The following STK35 variants were observed in gnomAD, a reference collection of about 807,000 sequenced individuals.
STK35 encodes serine/threonine-protein kinase 35.
Under a neutral mutation model 37.3 loss-of-function variants are expected in STK35, and 17 were observed. That is an observed-to-expected ratio of 0.46 (90% confidence interval 0.31 to 0.68). The LOEUF (loss-of-function observed/expected upper bound fraction) is 0.68, where lower values mean the gene tolerates loss of function less well. Among genes scored for constraint, STK35 ranks in the 30% least tolerant of loss-of-function variants. STK35 has a pLI of 0.05. For missense variants in STK35, 595 were observed against 746.7 expected, an observed-to-expected ratio of 0.80 and a Z score of 2.37; for synonymous variants, 385 against 319.1, an observed-to-expected ratio of 1.21 and a Z score of -2.20.
At chr20:2,111,658 G>A (rs1443480292) in intron 2 of STK35, among the ~76,000 whole-genome samples, 1 of 152,218 alleles carries the variant, frequency 6.6e-6, no homozygotes, top group African/African-American at 2.4e-5. Flanking sequence ...AGCTGTGATT[G>A]GCTGCACTCT....
Position 2,117,863 on chromosome 20 carries a change from A to G in STK35, c.*37+448A>G, listed in dbSNP as rs992557712. On this transcript the variant is annotated intron_variant, in intron 3 of 3. Transcript: ENST00000381482. The surrounding 1 kb of genome is among the most constrained non-coding windows in gnomAD (Gnocchi z 4.4). Reference sequence around the variant, plus strand: ...GAAGAAAATGAAGTGCTTCTTTTCAAAGATCCCCCCCATATCTTGATGGGA... The same window carrying G: ...GAAGAAAATGAAGTGCTTCTTTTCAGAGATCCCCCCCATATCTTGATGGGA... Among the ~76,000 whole-genome samples, 2 of 152,170 alleles carry G rather than the reference A, an allele frequency of 1.3e-5. No individual in the cohort carries two copies. The highest frequency in any genetic ancestry group is 4.8e-5 in the African/African-American group (2 of 41,438).
In STK35 at chr20:2,116,951, C is replaced by A; in HGVS notation, c.1178C>A (p.Pro393His). Residue 393 changes from proline (P) to histidine (H), a missense_variant, in exon 3 of 4, where the codon CCC (proline) becomes CAC (histidine). Around this residue, in one of 3 missense-constraint regions of STK35, gnomAD observed 109 missense variants for 280.3 expected, o/e 0.39. Coordinates refer to ENST00000381482, the MANE Select transcript of STK35 (RefSeq NM_080836.4). ...GLSKVCAGLA[P>H]RGKEGNQDNK... ...AGCAAGGTCTGTGCTGGGCTGGCAC[C>A]CCGAGGCAAAGAGGGCAATCAAGAC... is the stretch of plus-strand genomic sequence containing the variant. 1 of 1,614,128 alleles carries A rather than the reference C, an allele frequency of 6.2e-7. No homozygotes were observed. The highest frequency in any genetic ancestry group is 8.5e-7 in the Non-Finnish European group (1 of 1,180,020).
intron 2 of STK35, among the ~76,000 whole-genome samples, chr20:2,107,547 A>T (rs1025591962): frequency 2.6e-5 from 4 of 152,218 alleles, no homozygotes; most frequent in Non-Finnish European, 4.4e-5. Flanking sequence ...AACATAATGC[A>T]GGGTCACAAG....
chr20:2,104,629 G>C (rs1985479281), intron 2 of STK35, among the ~76,000 whole-genome samples: 1 of 152,072 alleles, frequency 6.6e-6, no homozygotes, highest in South Asian at 2.1e-4. Context: ...TGAGTTTGGA[G>C]GGGGTGGTTT....
intron 3 of STK35, among the ~76,000 whole-genome samples, chr20:2,137,461 A>G (rs1986105369): frequency 6.6e-6 from 1 of 152,198 alleles, no homozygotes; most frequent in African/African-American, 2.4e-5. Context: ...CAGATGTCGT[A>G]AGGCGTGGAC....
In STK35 at chr20:2,148,407, T is replaced by C. The variant is rs1986310754; in HGVS notation, c.*4661T>C. The C allele has an allele frequency of 6.5e-6, 1 of 152,684 alleles. No individual in the cohort carries two copies. Among genetic ancestry groups the C allele is most frequent in the South Asian group, 2.1e-4 (1 of 4,832 alleles). The allele number at this position is 152,684 out of a possible 1,614,324, so 9.5% of individuals were successfully genotyped here. ...TGAATATTTTTTGTACTTGGTTTAC[T>C]TGGGTTGGTATGATACATTATATTT... On this transcript the variant is annotated 3_prime_UTR_variant, in exon 4 of 4. Coordinates refer to ENST00000381482, the MANE Select transcript of STK35 (RefSeq NM_080836.4).
chr20:2,122,543 A>G (rs550382188), intron 3 of STK35, among the ~76,000 whole-genome samples: 81 of 152,310 alleles, frequency 5.3e-4, no homozygotes, highest in South Asian at 1.9e-3. Flanking sequence ...TCTAGTAACA[A>G]TGCAGGGATG....
intron 3 of STK35, among the ~76,000 whole-genome samples, chr20:2,141,786 G>C (rs1043844075): frequency 1.3e-5 from 2 of 152,122 alleles, no homozygotes; most frequent in African/African-American, 2.4e-5. Flanking sequence ...CTACCCCAGG[G>C]AAGTGCTTTT....
At chr20:2,122,221 A>G (rs1361284092) in intron 3 of STK35, among the ~76,000 whole-genome samples, 2 of 152,132 alleles carry the variant, frequency 1.3e-5, no homozygotes. Context: ...TAGGCCCAGT[A>G]CTTGGGAGAC....
intron 3 of STK35, among the ~76,000 whole-genome samples, chr20:2,136,474 A>G (rs1986088825): frequency 6.6e-6 from 1 of 152,200 alleles, no homozygotes; most frequent in Non-Finnish European, 1.5e-5. Context: ...TGGAGTTTGG[A>G]GAAGTGGCCC....
At chr20:2,132,877 C>G (rs1247007422) in intron 3 of STK35, among the ~76,000 whole-genome samples, 1 of 152,202 alleles carries the variant, frequency 6.6e-6, no homozygotes, top group Non-Finnish European at 1.5e-5. Flanking sequence ...CTTGTCTGGT[C>G]AGTGCAGTAA....
intron 3 of STK35, among the ~76,000 whole-genome samples, chr20:2,122,618 G>C (rs6075668): frequency 6.6e-6 from 1 of 151,966 alleles, no homozygotes; most frequent in Non-Finnish European, 1.5e-5. Context: ...TATCAGGGCC[G>C]CAGTTTTATT....
At chr20:2,115,200 G>A (rs977751485) in intron 2 of STK35, among the ~76,000 whole-genome samples, 6 of 152,192 alleles carry the variant, frequency 3.9e-5, no homozygotes, top group Non-Finnish European at 8.8e-5. Flanking sequence ...TTTGTTTTGT[G>A]TGTCACATCA....
At chr20:2,130,634 G>A (rs1441146821) in intron 3 of STK35, among the ~76,000 whole-genome samples, 4 of 152,082 alleles carry the variant, frequency 2.6e-5, no homozygotes, top group African/African-American at 9.7e-5. Flanking sequence ...CATGATTGCT[G>A]GCTGTAAAAT....
chr20:2,141,606 G>T (rs1436484591), intron 3 of STK35, among the ~76,000 whole-genome samples: 2 of 152,180 alleles, frequency 1.3e-5, no homozygotes, highest in Non-Finnish European at 2.9e-5. Flanking sequence ...TAACATTGGT[G>T]TGTGTTCATT....
chr20:2,115,605 C>T (rs751156749), intron 2 of STK35, among the ~76,000 whole-genome samples: 1 of 152,184 alleles, frequency 6.6e-6, no homozygotes, highest in African/African-American at 2.4e-5. Context: ...ACTGGACTGT[C>T]AGTTGCTTTA....
chr20:2,139,315 G>T (rs1484899387), intron 3 of STK35, among the ~76,000 whole-genome samples: 1 of 152,204 alleles, frequency 6.6e-6, no homozygotes, highest in Admixed American at 6.5e-5. Flanking sequence ...AGAGAAGCTT[G>T]CTGGAAGACC....
In STK35 at chr20:2,147,147, GGGGCCCCAGAGCGAATGA is replaced by G. The variant is rs1319665588; in HGVS notation, c.*3406_*3423del. The G allele has an allele frequency of 6.5e-6, 1 of 152,818 alleles. No individual in the cohort carries two copies. The highest frequency in any genetic ancestry group is 2.4e-5 in the African/African-American group (1 of 41,462). 9.5% of individuals were successfully genotyped at this position (152,818 alleles called of 1,614,324 possible). A position where few individuals can be genotyped will look rare whatever the true frequency, so the allele number is the denominator to read the frequency against. ...CTGGCCTCCTTAGTGGCACTGCCGGGGGGCCCCAGAGCGAATGAGGGCAGAGATGCCCGGGGCAGGGGC... is the reference window on the plus strand; with the variant it reads ...CTGGCCTCCTTAGTGGCACTGCCGGGGGGCAGAGATGCCCGGGGCAGGGGC... On this transcript the variant is annotated 3_prime_UTR_variant, in exon 4 of 4. Coordinates refer to ENST00000381482, the MANE Select transcript of STK35 (RefSeq NM_080836.4).
chr20:2,144,201 C>A lies in STK35; in HGVS notation c.*455C>A, dbSNP rs1986219504. 6 of 268,238 alleles carry A rather than the reference C, an allele frequency of 2.2e-5. 1 individual carries two copies. Among genetic ancestry groups the A allele is most frequent in the South Asian group, 2.0e-4 (6 of 30,400 alleles). The allele number at this position is 268,238 out of a possible 1,614,324, so 16.6% of individuals were successfully genotyped here. A position where few individuals can be genotyped will look rare whatever the true frequency, so the allele number is the denominator to read the frequency against. On this transcript the variant is annotated 3_prime_UTR_variant, in exon 4 of 4. Coordinates refer to ENST00000381482, the MANE Select transcript of STK35 (RefSeq NM_080836.4). The stretch of plus-strand genomic sequence containing the variant: ...AGTTCTACTTATGACACCTCACTTC[C>A]CTAGAGAAGGCCTGCCTCCCCATAG...
Sources: allele counts gnomAD v4.1 joint callset (sites outside exome capture counted in the v4.1 genomes callset), GRCh38; gene constraint gnomAD v4.1.1; regional missense constraint gnomAD v4.1.1; non-coding constraint Gnocchi (gnomAD v3.1); transcripts MANE v1.5; gene names NCBI Gene and HGNC (gene_info 2026-07-23, HGNC 2026-07-21).